CCDC148: variants seen among roughly 807,000 people sequenced by gnomAD.
CCDC148 encodes coiled-coil domain containing 148.
In CCDC148, 89 loss-of-function variants were observed where a neutral mutation model predicts 85.7. The ratio of observed to expected loss-of-function variants is 1.04; its 90% CI spans 0.87 to 1.24. The LOEUF (loss-of-function observed/expected upper bound fraction) is 1.24. Ranked by LOEUF, CCDC148 falls within the 50% of genes most tolerant of loss-of-function variation. The pLI, the probability that CCDC148 is intolerant of heterozygous loss-of-function variation, is 0.00. For synonymous variants in CCDC148, 230 were observed against 213.9 expected, an observed-to-expected ratio of 1.08 and a Z score of -0.66; for missense variants, 692 against 671.7, an observed-to-expected ratio of 1.03 and a Z score of -0.33.
rs776734377 is a variant in CCDC148 at position 158,340,409 on chromosome 2, A to G, written c.335-16T>C. ...AGCTCTTGCTCTATGGTGAAACAAA[A>G]TTGAATTAAAGGAACACATTATTAT... On this transcript the variant is annotated splice_polypyrimidine_tract_variant and intron_variant, in intron 4 of 13. Coordinates refer to ENST00000283233, the MANE Select transcript of CCDC148 (RefSeq NM_138803.4). 1.2e-6 allele frequency: 2 copies of G among 1,611,432 alleles called. No individual in the cohort carries two copies. Among genetic ancestry groups the G allele is most frequent in the Admixed American group, 1.7e-5 (1 of 59,628 alleles).
chr2:158,183,727 A>G (rs1685018910), intron 11 of CCDC148, among the ~76,000 whole-genome samples: 1 of 152,156 alleles, frequency 6.6e-6, no homozygotes, highest in Non-Finnish European at 1.5e-5. Context: ...CTTGCTACTT[A>G]GTGTTTAAGT....
intron 1 of CCDC148, among the ~76,000 whole-genome samples, chr2:158,377,041 T>A (rs560809373): frequency 2.6e-5 from 4 of 152,010 alleles, no homozygotes; most frequent in Non-Finnish European, 5.9e-5. Flanking sequence ...CAATTTTTGC[T>A]TCAACCTAGT....
chr2:158,397,568 C>T (rs886236600), intron 1 of CCDC148, among the ~76,000 whole-genome samples: 1 of 151,988 alleles, frequency 6.6e-6, no homozygotes, highest in African/African-American at 2.4e-5. Flanking sequence ...CTTTATATAC[C>T]AGCAAATGCT....
chr2:158,280,911 A>T (rs984163982), intron 9 of CCDC148, among the ~76,000 whole-genome samples: 4 of 152,178 alleles, frequency 2.6e-5, no homozygotes, highest in African/African-American at 9.7e-5. Context: ...AAAGAACAGA[A>T]ATTATAACAA....
chr2:158,298,948 T>C (rs897538588), intron 9 of CCDC148, among the ~76,000 whole-genome samples: 2 of 152,202 alleles, frequency 1.3e-5, no homozygotes, highest in African/African-American at 4.8e-5. Context: ...TGAATCATAT[T>C]TGTAGGGCCT....
intron 1 of CCDC148, among the ~76,000 whole-genome samples, chr2:158,438,639 C>A (rs1343995896): frequency 2.0e-5 from 3 of 152,106 alleles, no homozygotes; most frequent in South Asian, 2.1e-4. Flanking sequence ...TCTAATTAAA[C>A]TAAAGAGCTT....
At chr2:158,386,278 A>C (rs534087935) in intron 1 of CCDC148, among the ~76,000 whole-genome samples, 1 of 152,128 alleles carries the variant, frequency 6.6e-6, no homozygotes, top group Non-Finnish European at 1.5e-5. Context: ...CACATTTAGA[A>C]AATGGAGAAA....
At chr2:158,303,341 A>G (rs912197338) in intron 9 of CCDC148, among the ~76,000 whole-genome samples, 1 of 152,196 alleles carries the variant, frequency 6.6e-6, no homozygotes, top group Non-Finnish European at 1.5e-5. Context: ...GAACTCTTGT[A>G]TGCAAACCTT....
chr2:158,378,503 AC>A (rs1684745009), intron 1 of CCDC148, among the ~76,000 whole-genome samples: 1 of 152,190 alleles, frequency 6.6e-6, no homozygotes, highest in Non-Finnish European at 1.5e-5. Context: ...AGGTAGCTAC[AC>A]TAAACAATAG....
chr2:158,326,616 G>A (rs1692790349), intron 7 of CCDC148, among the ~76,000 whole-genome samples: 1 of 151,954 alleles, frequency 6.6e-6, no homozygotes. Flanking sequence ...TTATGCATTA[G>A]GGATTTTAAT....
rs181675863 is a variant in CCDC148, at chr2:158,342,151, T to C, written c.252-1471A>G. 4.0e-3 allele frequency among the ~76,000 whole-genome samples: 587 copies of C among 147,448 alleles called. 4 individuals are homozygous for C. Among genetic ancestry groups the C allele is most frequent in the African/African-American group, 0.013 (519 of 40,452 alleles). On this transcript the variant is annotated intron_variant, in intron 3 of 13. Coordinates refer to ENST00000283233, the MANE Select transcript of CCDC148 (RefSeq NM_138803.4). ...TTCAAGCAATTCTCCTGCCTCAGCCTCCCAAGTAGCTGGGACTACAGGTGC... is the reference window on the plus strand; with the variant it reads ...TTCAAGCAATTCTCCTGCCTCAGCCCCCCAAGTAGCTGGGACTACAGGTGC...
intron 2 of CCDC148, among the ~76,000 whole-genome samples, chr2:158,352,018 G>C (rs1170435919): frequency 6.5e-5 from 9 of 139,290 alleles, no homozygotes; most frequent in African/African-American, 1.4e-4. Flanking sequence ...TGAGGGTCCT[G>C]TCTGTTAGAA....
intron 1 of CCDC148, among the ~76,000 whole-genome samples, chr2:158,381,922 C>G (rs1004280443): frequency 1.3e-5 from 2 of 152,082 alleles, no homozygotes; most frequent in South Asian, 4.1e-4. Context: ...GCCCCCACCC[C>G]CTGGCTAAAT....
chr2:158,325,206 G>A (rs142376661), intron 7 of CCDC148, among the ~76,000 whole-genome samples: 10 of 151,748 alleles, frequency 6.6e-5, no homozygotes, highest in African/African-American at 1.5e-4. Flanking sequence ...CCTTTCCTAC[G>A]CATTCCAATC....
chr2:158,378,609 A>G (rs1049535810), intron 1 of CCDC148, among the ~76,000 whole-genome samples: 1 of 152,136 alleles, frequency 6.6e-6, no homozygotes, highest in Non-Finnish European at 1.5e-5. Context: ...AGCTTCAGAG[A>G]TTCAAAGGAC....
rs1279957069 is a variant in CCDC148 at position 158,340,591 on chromosome 2, AT to A, written c.334+6del. On this transcript the variant is annotated splice_donor_region_variant and intron_variant, in intron 4 of 13. Transcript: ENST00000283233. ...CCCCTTTAAATATAGGATCAAAAAA[AT>A]CTTACCAAAATTTGTAAGGTCACAA... The A allele has an allele frequency of 7.0e-6, 11 of 1,571,568 alleles. No individual in the cohort carries two copies. The highest frequency in any genetic ancestry group is 5.4e-5 in the African/African-American group (4 of 73,658).
At chr2:158,451,084 C>T (rs1239013804) in intron 1 of CCDC148, among the ~76,000 whole-genome samples, 1 of 152,136 alleles carries the variant, frequency 6.6e-6, no homozygotes, top group African/African-American at 2.4e-5. Context: ...TGCTATGGAA[C>T]CCATACAGCA....
chr2:158,260,312 C>A (rs1046322341), intron 9 of CCDC148, among the ~76,000 whole-genome samples: 2 of 151,722 alleles, frequency 1.3e-5, no homozygotes, highest in African/African-American at 4.8e-5. Context: ...AATTCAACAT[C>A]CCTTCAGGTT....
In CCDC148 at chr2:158,339,103, C is replaced by T. The variant is rs1682541302; in HGVS notation, c.487-18G>A. ...AAGTCAACCTATAGGACATTTGGAACAAGTAGTAGGCAAATTATTGCAATT... is the reference window on the plus strand; with the variant it reads ...AAGTCAACCTATAGGACATTTGGAATAAGTAGTAGGCAAATTATTGCAATT... On this transcript the variant is annotated intron_variant, in intron 5 of 13. Coordinates refer to ENST00000283233, the MANE Select transcript of CCDC148 (RefSeq NM_138803.4). 6.5e-7 allele frequency: 1 copy of T among 1,548,936 alleles called. No homozygotes were observed. The highest frequency in any genetic ancestry group is 1.1e-5 in the South Asian group (1 of 88,330).
Sources: gnomAD v4.1 joint callset for allele counts (sites outside exome capture counted in the v4.1 genomes callset) on GRCh38, gnomAD v4.1.1 for gene constraint, MANE v1.5 for transcripts, NCBI Gene and HGNC (gene_info 2026-07-23, HGNC 2026-07-21) for gene names.